The following ITSN2 variants were observed in gnomAD, a reference collection of about 807,000 sequenced individuals.
The protein encoded by ITSN2 is intersectin-2.
ITSN2 carries 156 observed loss-of-function variants against 243.7 expected under a neutral mutation model. The ratio of observed to expected loss-of-function variants is 0.64; its 90% CI spans 0.56 to 0.73. The LOEUF is 0.73. Among genes scored for constraint, ITSN2 ranks in the 30% least tolerant of loss-of-function variants. ITSN2 has a pLI of 0.00. For missense variants in ITSN2, 1,801 were observed against 1,996.1 expected (o/e 0.90, Z 1.86); for synonymous variants, 703 against 699.9 (o/e 1.00, Z -0.07).
chr2:24,229,296 A>G (rs1671347623), intron 29 of ITSN2, among the ~76,000 whole-genome samples: 1 of 152,138 alleles, frequency 6.6e-6, no homozygotes, highest in Non-Finnish European at 1.5e-5. Flanking sequence ...CTTTTTCCAT[A>G]GAACCAGGCT....
intron 1 of ITSN2, among the ~76,000 whole-genome samples, chr2:24,336,837 C>A (rs895806043): frequency 6.6e-6 from 1 of 152,136 alleles, no homozygotes; most frequent in African/African-American, 2.4e-5. Context: ...TAAACCAGAT[C>A]TTCCAAAGAA....
At chr2:24,350,808 C>T (rs1237259549) in intron 1 of ITSN2, among the ~76,000 whole-genome samples, 5 of 152,184 alleles carry the variant, frequency 3.3e-5, no homozygotes, top group Admixed American at 3.3e-4. Flanking sequence ...ATTTCATAGA[C>T]ACAGAAAGTA....
At chr2:24,283,017 CAAAA>C (rs765516566) in intron 17 of ITSN2, among the ~76,000 whole-genome samples, 12 of 101,118 alleles carry the variant, frequency 1.2e-4, no homozygotes, top group Admixed American at 2.0e-4. Context: ...TTTCTTAAAC[CAAAA>C]AAAAAAAAAA....
chr2:24,299,481 C>CT (rs1182703650), intron 12 of ITSN2, among the ~76,000 whole-genome samples: 1 of 152,184 alleles, frequency 6.6e-6, no homozygotes, highest in Admixed American at 6.5e-5. Context: ...AAGGCCTGTG[C>CT]AAGCCCATCC....
intron 1 of ITSN2, among the ~76,000 whole-genome samples, chr2:24,352,792 A>G (rs956038073): frequency 3.9e-5 from 6 of 152,228 alleles, no homozygotes; most frequent in Non-Finnish European, 8.8e-5. Flanking sequence ...ACTCTGAACA[A>G]GACAATTCAC....
At chr2:24,348,744 A>G (rs188979339) in intron 1 of ITSN2, among the ~76,000 whole-genome samples, 23 of 152,332 alleles carry the variant, frequency 1.5e-4, no homozygotes, top group African/African-American at 4.8e-4. Flanking sequence ...GTAGTTTCAC[A>G]TCTCAACCAA....
chr2:24,331,723 T>G (rs1327202302), intron 1 of ITSN2, among the ~76,000 whole-genome samples: 1 of 152,216 alleles, frequency 6.6e-6, no homozygotes, highest in Non-Finnish European at 1.5e-5. Flanking sequence ...TCAGGCAATC[T>G]GGACTTTCCA....
chr2:24,205,008 G>A (rs1038091584), intron 38 of ITSN2, among the ~76,000 whole-genome samples: 5 of 152,080 alleles, frequency 3.3e-5, no homozygotes, highest in African/African-American at 1.2e-4. Flanking sequence ...TTTGCCAGGC[G>A]TGGTGGTGCA....
intron 29 of ITSN2, among the ~76,000 whole-genome samples, chr2:24,221,973 A>G (rs189167525): frequency 3.1e-4 from 47 of 152,344 alleles, no homozygotes; most frequent in South Asian, 6.2e-4. Flanking sequence ...GCAGCCGGGC[A>G]TGGTGGCTCA....
chr2:24,222,199 C>T (rs1670525899), intron 29 of ITSN2, among the ~76,000 whole-genome samples: 1 of 145,046 alleles, frequency 6.9e-6, no homozygotes, highest in South Asian at 2.2e-4. Flanking sequence ...TTGCAGTGAG[C>T]CGAGATCGCA....
intron 2 of ITSN2, among the ~76,000 whole-genome samples, chr2:24,320,222 T>A (rs1024574443): frequency 1.3e-5 from 2 of 151,248 alleles, no homozygotes; most frequent in African/African-American, 4.9e-5. Context: ...ACAAAAAAAC[T>A]TAAAAAAATT....
chr2:24,226,172 T>C (rs575153055), intron 29 of ITSN2, among the ~76,000 whole-genome samples: 18 of 152,268 alleles, frequency 1.2e-4, no homozygotes, highest in African/African-American at 4.3e-4. Flanking sequence ...AGGGAATATT[T>C]GTTAGGGGAT....
rs201345506 is a variant in ITSN2, at chr2:24,208,290, G to A, written c.4625C>T (p.Ala1542Val). Reference sequence around the variant, plus strand: ...CTCGGTGTCGATGTACTGCTCAGACGCCGCCTTGATCTTCTGCACCCAGGC... The same window carrying A: ...CTCGGTGTCGATGTACTGCTCAGACACCGCCTTGATCTTCTGCACCCAGGC... ...RTAWVQKIKAASEQYIDTEKK... is the reference protein window; with the variant it reads ...RTAWVQKIKAVSEQYIDTEKK... The change falls in exon 37 of 40, where the codon GCG (alanine) becomes GTG (valine). Residue 1542 changes from alanine (A) to valine (V), a missense_variant. Ala to Val is a moderately conservative substitution (Grantham distance 64). This residue lies in a region of ITSN2 where 928 missense variants were observed against 1,065.4 expected (regional missense o/e 0.87). Coordinates refer to ENST00000355123, the MANE Select transcript of ITSN2 (RefSeq NM_006277.3). 5.2e-5 allele frequency: 83 copies of A among 1,610,894 alleles called. No homozygotes were observed. Among genetic ancestry groups the A allele is most frequent in the Admixed American group, 1.5e-4 (9 of 59,850 alleles).
intron 1 of ITSN2, among the ~76,000 whole-genome samples, chr2:24,359,966 C>T (rs534066422): frequency 6.6e-6 from 1 of 152,312 alleles, no homozygotes; most frequent in African/African-American, 2.4e-5. Context: ...GAGGGGGCCA[C>T]GCCACCCCCG....
Position 24,311,272 on chromosome 2 carries a change from C to T in ITSN2, c.353-580G>A, listed in dbSNP as rs565241068. 3.3e-5 allele frequency among the ~76,000 whole-genome samples: 5 copies of T among 152,288 alleles called. No homozygotes were observed. The East Asian group carries it at 9.6e-4, about 29-fold the overall frequency. On this transcript the variant is annotated intron_variant, in intron 5 of 39. Coordinates refer to ENST00000355123, the MANE Select transcript of ITSN2 (RefSeq NM_006277.3). Reference sequence around the variant, plus strand: ...GTTCTTAAAAGGAACAAAGTGATGACTTTTATTCATTTATTAACTGCAGAA... The same window carrying T: ...GTTCTTAAAAGGAACAAAGTGATGATTTTTATTCATTTATTAACTGCAGAA...
chr2:24,330,253 C>T (rs188324168), intron 1 of ITSN2: 212 of 349,660 alleles, frequency 6.1e-4, no homozygotes, highest in African/African-American at 2.7e-3. Flanking sequence ...ACCATTTGTT[C>T]GTCATCACGT....
Position 24,258,031 on chromosome 2 carries a change from G to T in ITSN2, c.2745C>A (p.Asn915Lys). 1 of 1,614,028 alleles carries T rather than the reference G, an allele frequency of 6.2e-7. No homozygotes were observed. The highest frequency in any genetic ancestry group is 8.5e-7 in the Non-Finnish European group (1 of 1,179,930). Residue 915 changes from asparagine to lysine, a missense_variant, in exon 23 of 40, where the codon AAC becomes AAA. Physicochemically the swap from Asn to Lys is moderately conservative, Grantham distance 94. Around this residue, in one of 5 missense-constraint regions of ITSN2, gnomAD observed 928 missense variants for 1,065.4 expected, o/e 0.87. Coordinates refer to ENST00000355123, the MANE Select transcript of ITSN2 (RefSeq NM_006277.3). Reference sequence around the variant, plus strand: ...TGTCATGTTTTGAGAAGTTCAAGTGGTTATCTTTCTTTGCAGTCCAGGAAC... The same window carrying T: ...TGTCATGTTTTGAGAAGTTCAAGTGTTTATCTTTCTTTGCAGTCCAGGAAC... ...ALCSWTAKKD[N>K]HLNFSKHDII...
chr2:24,319,848 T>C (rs1391011819), intron 2 of ITSN2, among the ~76,000 whole-genome samples: 1 of 152,188 alleles, frequency 6.6e-6, no homozygotes, highest in East Asian at 1.9e-4. Context: ...AAACCATGCA[T>C]TAACTTGCCT....
At chr2:24,270,948 A>C (rs1200412218) in intron 19 of ITSN2, among the ~76,000 whole-genome samples, 180 bp from the exon 20 acceptor site, 1 of 152,210 alleles carries the variant, frequency 6.6e-6, no homozygotes, top group Non-Finnish European at 1.5e-5. Context: ...AAAAAAGCAA[A>C]CAAGGATGCT....
Sources: gnomAD v4.1 joint callset for allele counts (sites outside exome capture counted in the v4.1 genomes callset) on GRCh38, gnomAD v4.1.1 for gene constraint, gnomAD v4.1.1 regional missense constraint, MANE v1.5 for transcripts, NCBI Gene and HGNC (gene_info 2026-07-23, HGNC 2026-07-21) for gene names.